DNAI7: variants seen among roughly 807,000 people sequenced by gnomAD.
The protein encoded by DNAI7 is dynein axonemal intermediate chain 7, also known as cancer susceptibility 1.
DNAI7 carries 78 observed loss-of-function variants against 86.6 expected under a neutral mutation model. The ratio of observed to expected loss-of-function variants is 0.90; its 90% CI spans 0.75 to 1.09. The LOEUF is 1.09. Among genes scored for constraint, DNAI7 ranks in the 50% least tolerant of loss-of-function variants. The pLI is 0.00. For missense variants in DNAI7, 753 were observed against 810.2 expected (o/e 0.93, Z 0.86); for synonymous variants, 274 against 273.0 (o/e 1.00, Z -0.04).
chr12:25,125,158 T>C (rs777422929), intron 9 of DNAI7, among the ~76,000 whole-genome samples: 5 of 152,220 alleles, frequency 3.3e-5, no homozygotes, highest in Non-Finnish European at 2.9e-5. Flanking sequence ...CTGGGTGAAA[T>C]GGTAATTCTG....
intron 12 of DNAI7, among the ~76,000 whole-genome samples, chr12:25,117,373 T>C (rs1940329211): frequency 6.6e-6 from 1 of 152,224 alleles, no homozygotes; most frequent in African/African-American, 2.4e-5. Context: ...TTGGTATAAA[T>C]TCCTAAATTC....
Position 25,134,687 on chromosome 12 carries a change from A to G in DNAI7, c.1002+9678T>C, listed in dbSNP as rs919106665. 2.0e-5 allele frequency among the ~76,000 whole-genome samples: 3 copies of G among 152,110 alleles called. No individual in the cohort carries two copies. The East Asian group carries it at 5.8e-4, about 29-fold the overall frequency. ...GGTGTACTTTTGTGGCACTTTCAAC[A>G]TCATCATTTGCATATCTTTATTCAT... On this transcript the variant is annotated intron_variant, in intron 9 of 15. Transcript: ENST00000395987.
chr12:25,189,181 A>C (rs1950293550), intron 2 of DNAI7, among the ~76,000 whole-genome samples: 3 of 152,226 alleles, frequency 2.0e-5, no homozygotes, highest in African/African-American at 7.2e-5. Context: ...ATATTCATTC[A>C]ACAAATATTG....
At chr12:25,141,436 T>C (rs551661575) in intron 9 of DNAI7, among the ~76,000 whole-genome samples, 2 of 152,242 alleles carry the variant, frequency 1.3e-5, no homozygotes, top group Non-Finnish European at 2.9e-5. Flanking sequence ...AAAGAAGATA[T>C]ACAAATCGCC....
rs542082635 is a variant in DNAI7, at chr12:25,123,381, A to G, written c.1003-95T>C. ...CCAGTCCTCACTTCAGATGCCTGCTACCTTAATTCTAGGCTGAAAACCCCA... is the reference window on the plus strand; with the variant it reads ...CCAGTCCTCACTTCAGATGCCTGCTGCCTTAATTCTAGGCTGAAAACCCCA... On this transcript the variant is annotated intron_variant, in intron 9 of 15. Coordinates refer to ENST00000395987, the MANE Select transcript of DNAI7 (RefSeq NM_018272.5). 7.0e-5 allele frequency: 49 copies of G among 702,644 alleles called. 1 individual carries two copies. The African/African-American group carries it at 7.9e-4, about 11-fold the overall frequency. The allele number at this position is 702,644 out of a possible 1,614,324, so 43.5% of individuals were successfully genotyped here. A position where few individuals can be genotyped will look rare whatever the true frequency, so the allele number is the denominator to read the frequency against.
At chr12:25,165,489 C>T (rs1158943544) in intron 2 of DNAI7, among the ~76,000 whole-genome samples, 1 of 152,210 alleles carries the variant, frequency 6.6e-6, no homozygotes. Context: ...AAGCTGTGTC[C>T]CATCTGTGCA....
chr12:25,149,696 C>A lies in DNAI7; in HGVS notation c.517G>T (p.Glu173Ter). 1 of 1,591,326 alleles carries A rather than the reference C, an allele frequency of 6.3e-7. No homozygotes were observed. The highest frequency in any genetic ancestry group is 8.6e-7 in the Non-Finnish European group (1 of 1,161,094). Residue 173 changes from glutamate to a stop codon, truncating the protein, a stop_gained, in exon 7 of 16, where the codon GAA becomes TAA. Coordinates refer to ENST00000395987, the MANE Select transcript of DNAI7 (RefSeq NM_018272.5). LOFTEE classifies it high-confidence loss of function. The stretch of plus-strand genomic sequence containing the variant: ...AGCTCCTGCAGTTGTAGTATTGATT[C>A]TTGGTACTGTATTATATTTTTATCT... ...LQDKNIIQYQ[E>*]SILQLQELLH...
intron 9 of DNAI7, among the ~76,000 whole-genome samples, chr12:25,135,572 T>C (rs73069103): frequency 0.12 from 17,564 of 152,102 alleles, 1,366 homozygotes; most frequent in Admixed American, 0.16. Flanking sequence ...GCAAAAGCCC[T>C]GTTTACTTTC....
chr12:25,128,788 T>C (rs1942484343), intron 9 of DNAI7, among the ~76,000 whole-genome samples: 1 of 152,226 alleles, frequency 6.6e-6, no homozygotes, highest in African/African-American at 2.4e-5. Flanking sequence ...CCATGACTTA[T>C]TACTTACCAG....
At chr12:25,124,487 GTA>G (rs1941809392) in intron 9 of DNAI7, among the ~76,000 whole-genome samples, 1 of 146,080 alleles carries the variant, frequency 6.8e-6, no homozygotes, top group Admixed American at 6.7e-5. Flanking sequence ...GTATATTTTT[GTA>G]AGTGTTGTAG....
intron 2 of DNAI7, among the ~76,000 whole-genome samples, chr12:25,189,566 C>T (rs780492139): frequency 4.6e-5 from 7 of 151,878 alleles, no homozygotes; most frequent in East Asian, 1.9e-4. Context: ...TGCTTGAACC[C>T]GGAAGGTGGA....
intron 2 of DNAI7, among the ~76,000 whole-genome samples, chr12:25,165,027 G>GT (rs1947297961): frequency 6.6e-6 from 1 of 152,122 alleles, no homozygotes; most frequent in Non-Finnish European, 1.5e-5. Flanking sequence ...ATCAGATAGT[G>GT]TTTAGGCTTT....
intron 7 of DNAI7, among the ~76,000 whole-genome samples, chr12:25,147,832 C>T (rs1209319723): frequency 6.6e-6 from 1 of 152,048 alleles, no homozygotes; most frequent in Non-Finnish European, 1.5e-5. Context: ...AACCTATCTC[C>T]GAACACACCA....
intron 7 of DNAI7, among the ~76,000 whole-genome samples, chr12:25,148,375 G>A (rs1171244715): frequency 1.3e-5 from 2 of 152,164 alleles, no homozygotes; most frequent in African/African-American, 2.4e-5. Context: ...TTAATGATAT[G>A]AACTTGATCG....
chr12:25,194,146 T>C (rs183557390), intron 1 of DNAI7, among the ~76,000 whole-genome samples: 304 of 152,310 alleles, frequency 2.0e-3, no homozygotes, highest in Non-Finnish European at 3.5e-3. Flanking sequence ...TCCCACCATA[T>C]GTGGAAAACT....
intron 1 of DNAI7, among the ~76,000 whole-genome samples, chr12:25,191,893 T>A (rs1950554620): frequency 6.6e-6 from 1 of 152,318 alleles, no homozygotes; most frequent in African/African-American, 2.4e-5. Flanking sequence ...TTATCAGATT[T>A]CTGGTAAGGA....
chr12:25,111,352 G>C (rs751623824), intron 14 of DNAI7, among the ~76,000 whole-genome samples: 13 of 152,168 alleles, frequency 8.5e-5, no homozygotes, highest in Non-Finnish European at 1.8e-4. Context: ...CAGACATGGA[G>C]GCTTTGCCAA....
At position 25,154,318 on chromosome 12, in the gene DNAI7, C is replaced by T; in HGVS notation, c.438+1G>A. The T allele has an allele frequency of 6.3e-7, 1 of 1,593,022 alleles. No homozygotes were observed. The highest frequency in any genetic ancestry group is 8.5e-7 in the Non-Finnish European group (1 of 1,175,224). Reference sequence around the variant, plus strand: ...TTATAGGAAAATGCATAAATACCTACATTTAGCACTACTTTACTCTTCTCA... The same window carrying T: ...TTATAGGAAAATGCATAAATACCTATATTTAGCACTACTTTACTCTTCTCA... On this transcript the variant is annotated splice_donor_variant, in intron 6 of 15. Transcript: ENST00000395987. LOFTEE classifies it high-confidence loss of function.
At chr12:25,145,326 T>C (rs1331364880) in intron 8 of DNAI7, among the ~76,000 whole-genome samples, 2 of 152,168 alleles carry the variant, frequency 1.3e-5, no homozygotes, top group East Asian at 3.9e-4. Flanking sequence ...ACTCAGCCAG[T>C]TGAGCACAGA....
Sources: allele counts gnomAD v4.1 joint callset (sites outside exome capture counted in the v4.1 genomes callset), GRCh38; gene constraint gnomAD v4.1.1; transcripts MANE v1.5; gene names NCBI Gene and HGNC (gene_info 2026-07-23, HGNC 2026-07-21).